JADE2: variants seen among roughly 807,000 people sequenced by gnomAD.
JADE2 encodes the protein E3 ubiquitin-protein ligase Jade-2.
In JADE2, 13 loss-of-function variants were observed where a neutral mutation model predicts 85.7. The observed-to-expected ratio is 0.15, with a 90% CI of 0.10 to 0.24. The LOEUF is 0.24. JADE2 is among the 10% of genes least tolerant of loss of function. JADE2 has a pLI of 1.00. For synonymous variants in JADE2, 440 were observed against 456.1 expected (o/e 0.96, Z 0.45); for missense variants, 846 against 1,115.9 (o/e 0.76, Z 3.45).
Position 134,581,129 on chromosome 5 carries a change from CAA to C in JADE2, c.*1814_*1815del, listed in dbSNP as rs1432839588. 1 of 152,582 alleles carries C rather than the reference CAA, an allele frequency of 6.6e-6. No individual in the cohort carries two copies. Among genetic ancestry groups the C allele is most frequent in the East Asian group, 1.9e-4 (1 of 5,202 alleles). 9.5% of individuals were successfully genotyped at this position (152,582 alleles called of 1,614,324 possible). ...ATGTGAATTTTAGCAAAACAGGAAACAAAGATAATGACTCAGTTCAGAGGATC... is the reference window on the plus strand; with the variant it reads ...ATGTGAATTTTAGCAAAACAGGAAACAGATAATGACTCAGTTCAGAGGATC... On this transcript the variant is annotated 3_prime_UTR_variant, in exon 12 of 12. Coordinates refer to ENST00000681547, the MANE Select transcript of JADE2 (RefSeq NM_001388185.1).
chr5:134,578,319 A>G lies in JADE2; in HGVS notation c.1682-175A>G, dbSNP rs1764510669. ...GGAGAGAAGCGTATAAGTAGTCCCT[A>G]CTCTTTGGTGGTGTTGGCAGGAGGG... On this transcript the variant is annotated intron_variant, in intron 11 of 11. Coordinates refer to ENST00000681547, the MANE Select transcript of JADE2 (RefSeq NM_001388185.1). The surrounding 1 kb of genome is among the most constrained non-coding windows in gnomAD (Gnocchi z 4.4). 6.6e-6 allele frequency among the ~76,000 whole-genome samples: 1 copy of G among 151,996 alleles called. No homozygotes were observed. The highest frequency in any genetic ancestry group is 6.6e-5 in the Admixed American group (1 of 15,260).
chr5:134,549,617 C>T (rs1762491275), intron 3 of JADE2, among the ~76,000 whole-genome samples: 1 of 151,890 alleles, frequency 6.6e-6, no homozygotes, highest in Non-Finnish European at 1.5e-5. Context: ...AGATTGTGCA[C>T]CTGCACTCCA....
At chr5:134,526,175 G>T (rs1020889483) in intron 1 of JADE2, 164 bp downstream of exon 1, 106 of 985,568 alleles carry the variant, frequency 1.1e-4, no homozygotes, top group South Asian at 1.4e-4. Context: ...CGCGGAGAGG[G>T]GGGGGATGCA....
At position 134,560,906 on chromosome 5, in the gene JADE2, G is replaced by A. The variant is rs764724753; in HGVS notation, c.633G>A (p.Glu211=). 2 of 1,614,196 alleles carry A rather than the reference G, an allele frequency of 1.2e-6. No individual in the cohort carries two copies. The highest frequency in any genetic ancestry group is 1.1e-5 in the South Asian group (1 of 91,086). ...ACGTGTGTCGCTCTCCTGAGGGCGAGGATGGCAACGAGATGGTCTTCTGTG... is the reference window on the plus strand; with the variant it reads ...ACGTGTGTCGCTCTCCTGAGGGCGAAGATGGCAACGAGATGGTCTTCTGTG... The part of the protein sequence containing the change: ...VCDVCRSPEG[E]DGNEMVFCDK... The change falls in exon 6 of 12, where the codon GAG becomes GAA. Residue 211 remains glutamate, a synonymous_variant. Coordinates refer to ENST00000681547, the MANE Select transcript of JADE2 (RefSeq NM_001388185.1).
In JADE2 at chr5:134,568,791, G is replaced by C. The variant is rs1313339688; in HGVS notation, c.1434+2211G>C. Among the ~76,000 whole-genome samples, 4 of 152,216 alleles carry C rather than the reference G, an allele frequency of 2.6e-5. No homozygotes were observed. In the South Asian group the frequency reaches 6.2e-4, roughly 24 times the overall value. On this transcript the variant is annotated intron_variant, in intron 9 of 11. Coordinates refer to ENST00000681547, the MANE Select transcript of JADE2 (RefSeq NM_001388185.1). Reference sequence around the variant, plus strand: ...TTTCCAGGTCACACATTTGCAACTTGGGTGAATGAACAGCGACAAGAACCC... The same window carrying C: ...TTTCCAGGTCACACATTTGCAACTTCGGTGAATGAACAGCGACAAGAACCC...
chr5:134,571,408 C>T (rs1301076073), intron 9 of JADE2, among the ~76,000 whole-genome samples: 2 of 152,218 alleles, frequency 1.3e-5, no homozygotes, highest in African/African-American at 2.4e-5. Context: ...CTGTGAAAAT[C>T]CAGCCCTGGG....
At chr5:134,570,254 TC>T (rs1035136504) in intron 9 of JADE2, among the ~76,000 whole-genome samples, 1 of 151,992 alleles carries the variant, frequency 6.6e-6, no homozygotes, top group Non-Finnish European at 1.5e-5. Flanking sequence ...GTCCCCTCTG[TC>T]CTCATACCAG....
intron 9 of JADE2, among the ~76,000 whole-genome samples, chr5:134,567,510 T>C (rs1254283521): frequency 2.0e-5 from 3 of 152,142 alleles, no homozygotes; most frequent in African/African-American, 4.8e-5. Context: ...CCAGAGCATA[T>C]GGGACCGTGT....
At chr5:134,542,032 C>T (rs1761994705) in intron 3 of JADE2, among the ~76,000 whole-genome samples, 2 of 152,308 alleles carry the variant, frequency 1.3e-5, no homozygotes, top group South Asian at 4.1e-4. Flanking sequence ...AAGGCATGGG[C>T]CCTGGGATTC....
Position 134,580,176 on chromosome 5 carries a change from C to CT in JADE2, c.*861dup, listed in dbSNP as rs1398146684. 6.5e-6 allele frequency: 1 copy of CT among 152,770 alleles called. No homozygotes were observed. The highest frequency in any genetic ancestry group is 2.4e-5 in the African/African-American group (1 of 41,466). The allele number at this position is 152,770 out of a possible 1,614,324, so 9.5% of individuals were successfully genotyped here. On this transcript the variant is annotated 3_prime_UTR_variant, in exon 12 of 12. Coordinates refer to ENST00000681547, the MANE Select transcript of JADE2 (RefSeq NM_001388185.1). ...TCTGAGGCTCCAACTTCCTTCCTTC[C>CT]TTCGGGGCCAGTCTCGGCCGAAGTC...
chr5:134,572,444 C>T (rs1764092333), intron 9 of JADE2, among the ~76,000 whole-genome samples: 1 of 152,206 alleles, frequency 6.6e-6, no homozygotes, highest in South Asian at 2.1e-4. Context: ...ATCTTGGCTG[C>T]CCTCGGACTG....
At chr5:134,569,733 A>G (rs946916729) in intron 9 of JADE2, among the ~76,000 whole-genome samples, 19 of 152,152 alleles carry the variant, frequency 1.2e-4, no homozygotes, top group African/African-American at 4.6e-4. Flanking sequence ...CAAGGAGGGA[A>G]AGGCTCAGAA....
chr5:134,560,739 C>T lies in JADE2; in HGVS notation c.473-7C>T, dbSNP rs1763270604. Reference sequence around the variant, plus strand: ...AACACCACCATGCCCTGCTGTCCTCCTCACAGAGAGGCCGGAGCTGGACGA... The same window carrying T: ...AACACCACCATGCCCTGCTGTCCTCTTCACAGAGAGGCCGGAGCTGGACGA... On this transcript the variant is annotated splice_polypyrimidine_tract_variant and splice_region_variant and intron_variant, in intron 5 of 11. Transcript: ENST00000681547. 2 of 1,611,808 alleles carry T rather than the reference C, an allele frequency of 1.2e-6. No individual in the cohort carries two copies. Among genetic ancestry groups the T allele is most frequent in the Non-Finnish European group, 1.7e-6 (2 of 1,179,046 alleles).
Position 134,578,997 on chromosome 5 carries a change from G to T in JADE2, c.2185G>T (p.Ala729Ser). 1 of 1,613,836 alleles carries T rather than the reference G, an allele frequency of 6.2e-7. No homozygotes were observed. The highest frequency in any genetic ancestry group is 8.5e-7 in the Non-Finnish European group (1 of 1,180,038). Residue 729 changes from alanine (A) to serine (S), a missense_variant, in exon 12 of 12, where the codon GCC becomes TCC. Around this residue, in one of 9 missense-constraint regions of JADE2, gnomAD observed 300 missense variants for 300.7 expected, o/e 1.00. Transcript: ENST00000681547. This position sits in a 1 kb window ranked among gnomAD's most constrained non-coding sequence, Gnocchi z 4.4. ...GGCCCCTGAGACCCCGGACGAGGCA[G>T]CCTCAGTAGCTGCTGACTCAGATGT... ...PLAPETPDEA[A>S]SVAADSDVQV...
intron 10 of JADE2, 47 bp from the exon 11 acceptor site, chr5:134,576,721 C>T (rs1407447604): frequency 6.5e-7 from 1 of 1,549,388 alleles, no homozygotes; most frequent in Admixed American, 2.0e-5. Flanking sequence ...TGACCGAGGC[C>T]ACTCAGGGTA....
intron 1 of JADE2, among the ~76,000 whole-genome samples, chr5:134,529,036 C>T (rs1329529857): frequency 2.6e-5 from 4 of 152,200 alleles, no homozygotes; most frequent in African/African-American, 9.7e-5. Flanking sequence ...AGGCCCTGGA[C>T]ACTGACCCCC....
chr5:134,559,763 C>T (rs1763211248), intron 4 of JADE2, 67 bp from the exon 5 acceptor site: 2 of 1,528,558 alleles, frequency 1.3e-6, no homozygotes, highest in Middle Eastern at 2.4e-4. Flanking sequence ...CTGGTCAGCT[C>T]CCTGGAGCCC....
chr5:134,553,628 A>C (rs1363353751), intron 4 of JADE2, among the ~76,000 whole-genome samples: 4 of 152,234 alleles, frequency 2.6e-5, no homozygotes, highest in Non-Finnish European at 5.9e-5. Context: ...CTGGGATTGC[A>C]GGCGTGAGCC....
intron 1 of JADE2, among the ~76,000 whole-genome samples, chr5:134,531,304 G>C (rs1346026553): frequency 1.3e-5 from 2 of 152,214 alleles, no homozygotes; most frequent in African/African-American, 4.8e-5. Context: ...TCAGTATGAA[G>C]CTGTCCAGGT....
Sources: gnomAD v4.1 joint callset for allele counts (sites outside exome capture counted in the v4.1 genomes callset) on GRCh38, gnomAD v4.1.1 for gene constraint, gnomAD v4.1.1 regional missense constraint, Gnocchi (gnomAD v3.1) non-coding constraint, MANE v1.5 for transcripts, NCBI Gene and HGNC (gene_info 2026-07-23, HGNC 2026-07-21) for gene names.